Variants in TYW5 observed in about 807,000 individuals in gnomAD.
TYW5 encodes the protein tRNA wybutosine-synthesizing protein 5.
A neutral mutation model predicts 44.4 loss-of-function variants in TYW5; 36 were observed. That is an observed-to-expected ratio of 0.81 (90% CI 0.62 to 1.07). The LOEUF is 1.07. TYW5 is among the 50% of genes least tolerant of loss of function. The pLI is 0.00. For synonymous variants in TYW5, 121 were observed against 128.1 expected, an observed-to-expected ratio of 0.94 and a Z score of 0.37; for missense variants, 354 against 365.7, an observed-to-expected ratio of 0.97 and a Z score of 0.26.
chr2:199,954,481 G>A (rs943986895), intron 1 of TYW5, among the ~76,000 whole-genome samples: 2 of 151,974 alleles, frequency 1.3e-5, no homozygotes, highest in African/African-American at 4.8e-5. Context: ...GCCCAGGCTG[G>A]AGTGCAGTGG....
chr2:199,955,137 T>C (rs546415696), intron 1 of TYW5, among the ~76,000 whole-genome samples: 17 of 152,256 alleles, frequency 1.1e-4, no homozygotes, highest in African/African-American at 3.6e-4. Flanking sequence ...TTAGGCAAAA[T>C]ACCTCTCGCA....
chr2:199,943,541 AC>A lies in TYW5; in HGVS notation c.303+223del, dbSNP rs1277962139. 10 of 431,888 alleles carry A rather than the reference AC, an allele frequency of 2.3e-5. No individual in the cohort carries two copies. In the East Asian group the frequency reaches 3.6e-4, roughly 16 times the overall value. 26.8% of individuals were successfully genotyped at this position (431,888 alleles called of 1,614,324 possible). ...ACTTTATAAAATAGGTACTATTATC[AC>A]CCCCATTTCACAGATGAGTATACTG... is the stretch of plus-strand genomic sequence containing the variant. On this transcript the variant is annotated intron_variant, in intron 3 of 7. Coordinates refer to ENST00000354611, the MANE Select transcript of TYW5 (RefSeq NM_001039693.3).
rs202219828 is a variant in TYW5, at chr2:199,933,083, C to T, written c.932G>A (p.Ser311Asn). 529 of 1,613,838 alleles carry T rather than the reference C, an allele frequency of 3.3e-4. 1 individual carries two copies. The highest frequency in any genetic ancestry group is 4.3e-4 in the Non-Finnish European group (502 of 1,179,978). ...MVLHIQDKAY[S>N]KNSE ...CTTCATTATTTACTCAGAGTTCTTG[C>T]TGTAGGCTTTGTCTTGAATGTGTAG... is the stretch of plus-strand genomic sequence containing the variant. Residue 311 changes from serine (S) to asparagine (N), a missense_variant, in exon 8 of 8, where the codon AGC (serine) becomes AAC (asparagine). Transcript: ENST00000354611.
rs1378553160 is a variant in TYW5 at position 199,932,077 on chromosome 2, G to A, written c.*990C>T. On this transcript the variant is annotated 3_prime_UTR_variant, in exon 8 of 8. Transcript: ENST00000354611. Reference sequence around the variant, plus strand: ...CAAAAACCACCCTGACATACTGGGTGGCAAGAAAAGTCAAGATCAGATTAA... The same window carrying A: ...CAAAAACCACCCTGACATACTGGGTAGCAAGAAAAGTCAAGATCAGATTAA... 1.3e-5 allele frequency: 2 copies of A among 152,066 alleles called. No individual in the cohort carries two copies. The highest frequency in any genetic ancestry group is 3.9e-4 in the East Asian group (2 of 5,188). 9.4% of individuals were successfully genotyped at this position (152,066 alleles called of 1,614,324 possible).
At chr2:199,941,292 T>G (rs1339863890) in intron 3 of TYW5, among the ~76,000 whole-genome samples, 1 of 152,188 alleles carries the variant, frequency 6.6e-6, no homozygotes, top group African/African-American at 2.4e-5. Flanking sequence ...CCTCCGGTGT[T>G]GGCCTCCCAG....
intron 1 of TYW5, among the ~76,000 whole-genome samples, chr2:199,952,962 G>T (rs12621809): frequency 0.49 from 74,256 of 152,036 alleles, 18,568 homozygotes; most frequent in South Asian, 0.61. Context: ...TTATAAATTT[G>T]CCCAAACCCA....
At chr2:199,947,724 T>C (rs962958129) in intron 2 of TYW5, 1 of 152,330 alleles carries the variant, frequency 6.6e-6, no homozygotes, top group Non-Finnish European at 1.5e-5. Flanking sequence ...CAACTTCGTA[T>C]GAAATCTAAC....
At chr2:199,933,383 A>C in intron 7 of TYW5, 60 bp from the exon 8 acceptor site, 2 of 1,444,760 alleles carry the variant, frequency 1.4e-6, no homozygotes, top group Non-Finnish European at 1.9e-6. Flanking sequence ...AAAACCCAAA[A>C]TGTCAGTGAA....
chr2:199,933,756 T>G (rs1221221039), intron 7 of TYW5, among the ~76,000 whole-genome samples: 1 of 152,214 alleles, frequency 6.6e-6, no homozygotes. Flanking sequence ...ATAATACTTT[T>G]GTCCCTAAAG....
chr2:199,933,076 G>A lies in TYW5; in HGVS notation c.939C>T (p.Asn313=). Residue 313 remains asparagine, a synonymous_variant, in exon 8 of 8, where the codon AAC becomes AAT. Transcript: ENST00000354611. ...GCATTCACTTCATTATTTACTCAGAGTTCTTGCTGTAGGCTTTGTCTTGAA... is the reference window on the plus strand; with the variant it reads ...GCATTCACTTCATTATTTACTCAGAATTCTTGCTGTAGGCTTTGTCTTGAA... ...LHIQDKAYSK[N]SE 6.2e-7 allele frequency: 1 copy of A among 1,613,848 alleles called. No individual in the cohort carries two copies. The highest frequency in any genetic ancestry group is 1.7e-5 in the Admixed American group (1 of 59,980).
At chr2:199,940,252 G>T in intron 3 of TYW5, 119 bp from the exon 4 acceptor site, 1 of 883,154 alleles carries the variant, frequency 1.1e-6, no homozygotes, top group Non-Finnish European at 1.7e-6. Context: ...AAAGAATTAT[G>T]TACTGAGAAC....
At chr2:199,948,145 A>G in intron 2 of TYW5, 173 bp downstream of exon 2, 1 of 627,424 alleles carries the variant, frequency 1.6e-6, no homozygotes, top group Non-Finnish European at 2.7e-6. Context: ...ATGTAAACTC[A>G]GAACTCTTGT....
intron 1 of TYW5, among the ~76,000 whole-genome samples, chr2:199,953,537 A>G (rs2077564433): frequency 3.3e-5 from 5 of 152,138 alleles, no homozygotes; most frequent in Admixed American, 3.3e-4. Context: ...TTTGTGCCTT[A>G]TTGATTTTTG....
rs2077391110 is a variant in TYW5, at chr2:199,932,982, G to C, written c.*85C>G. On this transcript the variant is annotated 3_prime_UTR_variant, in exon 8 of 8. Transcript: ENST00000354611. ...TACTTACATAATCTGTAAATCTGAT[G>C]TATCTTTCCTATTTTAACAAAATCT... 1 of 1,456,448 alleles carries C rather than the reference G, an allele frequency of 6.9e-7. No individual in the cohort carries two copies. The highest frequency in any genetic ancestry group is 9.3e-7 in the Non-Finnish European group (1 of 1,077,172). 90.2% of individuals were successfully genotyped at this position (1,456,448 alleles called of 1,614,324 possible). A position where few individuals can be genotyped will look rare whatever the true frequency, so the allele number is the denominator to read the frequency against.
At chr2:199,935,171 C>T (rs962309376) in intron 7 of TYW5, among the ~76,000 whole-genome samples, 4 of 151,544 alleles carry the variant, frequency 2.6e-5, no homozygotes, top group Admixed American at 2.0e-4. Flanking sequence ...ATTTAGAAAA[C>T]GAACAAGTAT....
intron 1 of TYW5, among the ~76,000 whole-genome samples, chr2:199,949,939 C>A (rs2077532123): frequency 6.6e-6 from 1 of 152,026 alleles, no homozygotes. Flanking sequence ...CCAGTAAGCC[C>A]CTTCAAGATG....
chr2:199,946,798 A>T (rs2077507301), intron 2 of TYW5: 1 of 152,212 alleles, frequency 6.6e-6, no homozygotes, highest in Non-Finnish European at 1.5e-5. Context: ...CACTAAAAAA[A>T]ATAATCTTGC....
chr2:199,934,369 T>C (rs1449489189), intron 7 of TYW5, among the ~76,000 whole-genome samples: 4 of 151,808 alleles, frequency 2.6e-5, no homozygotes, highest in African/African-American at 4.8e-5. Flanking sequence ...CTTAAAACAA[T>C]TGTATGAAGA....
intron 5 of TYW5, among the ~76,000 whole-genome samples, chr2:199,937,542 G>A (rs2077430387): frequency 6.6e-6 from 1 of 151,934 alleles, no homozygotes; most frequent in African/African-American, 2.4e-5. Context: ...GGTTGTGCAT[G>A]CCTGTAATCC....
Sources: allele counts gnomAD v4.1 joint callset (sites outside exome capture counted in the v4.1 genomes callset), GRCh38; gene constraint gnomAD v4.1.1; transcripts MANE v1.5; gene names NCBI Gene and HGNC (gene_info 2026-07-23, HGNC 2026-07-21).